Variants in NEMP2 observed in about 807,000 individuals in gnomAD.
NEMP2 encodes the protein nuclear envelope integral membrane protein 2, also known as UPF0571 transmembrane protein.
NEMP2 carries 53 observed loss-of-function variants against 54.2 expected under a neutral mutation model. The ratio of observed to expected loss-of-function variants is 0.98; its 90% CI spans 0.78 to 1.23. The LOEUF is 1.23. NEMP2 is among the 50% of genes most tolerant of loss of function. The pLI is 0.00. For synonymous variants in NEMP2, 197 were observed against 190.3 expected, an observed-to-expected ratio of 1.04 and a Z score of -0.29; for missense variants, 455 against 511.3, an observed-to-expected ratio of 0.89 and a Z score of 1.06.
the NEMP2 span, among the ~76,000 whole-genome samples, chr2:190,576,456 G>C: frequency 6.6e-6 from 1 of 152,158 alleles, no homozygotes; most frequent in South Asian, 2.1e-4. Context: ...AATGTAACTT[G>C]TTAAATGAAA....
chr2:190,461,861 G>C, the NEMP2 span, among the ~76,000 whole-genome samples: 1 of 151,724 alleles, frequency 6.6e-6, no homozygotes, highest in Non-Finnish European at 1.5e-5. This position sits in a 1 kb window ranked among gnomAD's most constrained non-coding sequence, Gnocchi z 5.5. Flanking sequence ...TTTTTAGTGT[G>C]GAACATGAAC....
At chr2:190,566,343 G>C in the NEMP2 span, among the ~76,000 whole-genome samples, 1 of 152,152 alleles carries the variant, frequency 6.6e-6, no homozygotes, top group East Asian at 1.9e-4. Flanking sequence ...GGTTTACTGG[G>C]CACAGTGGAT....
At chr2:190,446,717 G>T in the NEMP2 span, among the ~76,000 whole-genome samples, 4 of 152,218 alleles carry the variant, frequency 2.6e-5, no homozygotes, top group African/African-American at 9.6e-5. Flanking sequence ...ATTTATGGAT[G>T]TTCGTTCTGG....
At chr2:190,489,628 G>A in the NEMP2 span, 2 of 701,396 alleles carry the variant, frequency 2.9e-6, no homozygotes, top group Non-Finnish European at 4.7e-6. The surrounding 1 kb of genome is among the most constrained non-coding windows in gnomAD (Gnocchi z 6.6). Flanking sequence ...CCATTATGTG[G>A]AGCTAATACC....
chr2:190,518,716 A>T lies in NEMP2; in HGVS notation c.518+20T>A, dbSNP rs1303122451. 2.7e-6 allele frequency: 4 copies of T among 1,499,968 alleles called. No individual in the cohort carries two copies. The African/African-American group carries it at 5.7e-5, about 21-fold the overall frequency. 92.9% of individuals were successfully genotyped at this position (1,499,968 alleles called of 1,614,324 possible). A position where few individuals can be genotyped will look rare whatever the true frequency, so the allele number is the denominator to read the frequency against. ...TCCCTTTTCATTCACAAAGTTAAAA[A>T]TATAAAAAGGAATACTTACTGACTC... On this transcript the variant is annotated intron_variant, in intron 4 of 8. Transcript: ENST00000409150.
At chr2:190,456,904 G>A in the NEMP2 span, among the ~76,000 whole-genome samples, 6 of 152,282 alleles carry the variant, frequency 3.9e-5, no homozygotes, top group Non-Finnish European at 7.4e-5. The surrounding 1 kb of genome is among the most constrained non-coding windows in gnomAD (Gnocchi z 5.4). Flanking sequence ...GACAACTGTT[G>A]AGTGGCATTT....
chr2:190,472,260 G>C, the NEMP2 span, among the ~76,000 whole-genome samples: 1 of 151,978 alleles, frequency 6.6e-6, no homozygotes, highest in African/African-American at 2.4e-5. Flanking sequence ...GATGAGTTGA[G>C]AGAAGGCTTC....
chr2:190,477,766 G>A, the NEMP2 span, among the ~76,000 whole-genome samples: 1 of 152,190 alleles, frequency 6.6e-6, no homozygotes, highest in Non-Finnish European at 1.5e-5. Flanking sequence ...TGGAATCATA[G>A]AAAAATGTGC....
At chr2:190,605,915 C>A in the NEMP2 span, among the ~76,000 whole-genome samples, 1 of 152,184 alleles carries the variant, frequency 6.6e-6, no homozygotes, top group Admixed American at 6.5e-5. Flanking sequence ...CTTGGCCCCA[C>A]TAAAGTGAGA....
chr2:190,636,348 G>A, the NEMP2 span, among the ~76,000 whole-genome samples: 2 of 152,190 alleles, frequency 1.3e-5, no homozygotes, highest in Admixed American at 1.3e-4. Context: ...GCCAAGTAAG[G>A]TTTCCTCTTT....
the NEMP2 span, among the ~76,000 whole-genome samples, chr2:190,564,705 T>C: frequency 2.2e-4 from 33 of 152,316 alleles, no homozygotes; most frequent in East Asian, 5.8e-3. The surrounding 1 kb of genome is among the most constrained non-coding windows in gnomAD (Gnocchi z 4.2). Flanking sequence ...TAAGGACCTC[T>C]TGGCTCATTC....
chr2:190,510,726 AAAAAATTAGC>A lies in NEMP2; in HGVS notation c.954-199_954-190del, dbSNP rs1303825648. ...GAAACACTGTCTCTACTAAAAATAT[AAAAAATTAGC>A]TGAGCATGGTGGTGGTCGCCTGTAG... On this transcript the variant is annotated intron_variant, in intron 7 of 8. Transcript: ENST00000409150. The surrounding 1 kb of genome is among the most constrained non-coding windows in gnomAD (Gnocchi z 5.7). Among the ~76,000 whole-genome samples, 1 of 152,050 alleles carries A rather than the reference AAAAAATTAGC, an allele frequency of 6.6e-6. No homozygotes were observed.
At chr2:190,432,441 G>A in the NEMP2 span, among the ~76,000 whole-genome samples, 1 of 152,164 alleles carries the variant, frequency 6.6e-6, no homozygotes, top group Admixed American at 6.5e-5. Context: ...TTGAGACAGA[G>A]TCTTGCTCCG....
chr2:190,580,999 CA>C, the NEMP2 span, among the ~76,000 whole-genome samples: 1 of 152,182 alleles, frequency 6.6e-6, no homozygotes, highest in South Asian at 2.1e-4. This position sits in a 1 kb window ranked among gnomAD's most constrained non-coding sequence, Gnocchi z 5.3. Context: ...CTTCTCAGAA[CA>C]GATAGTAACT....
chr2:190,493,677 C>T, the NEMP2 span, among the ~76,000 whole-genome samples: 1 of 152,164 alleles, frequency 6.6e-6, no homozygotes, highest in African/African-American at 2.4e-5. Context: ...AGTACTCTCT[C>T]AGACCACAGT....
the NEMP2 span, chr2:190,611,125 A>T: frequency 6.6e-6 from 1 of 152,214 alleles, no homozygotes; most frequent in Non-Finnish European, 1.5e-5. The surrounding 1 kb of genome is among the most constrained non-coding windows in gnomAD (Gnocchi z 5.4). Flanking sequence ...TAAACACACA[A>T]TTGACAAGGA....
rs1691108907 is a variant in NEMP2, at chr2:190,530,583, TTAGA to T, written c.97+3972_97+3975del. The stretch of plus-strand genomic sequence containing the variant: ...TCTAGAGAGAACAGATCTTCCAATC[TTAGA>T]TTGATTATAAAGGCTGTATCTTTCT... On this transcript the variant is annotated intron_variant, in intron 1 of 8. Transcript: ENST00000409150. The surrounding 1 kb of genome is among the most constrained non-coding windows in gnomAD (Gnocchi z 4.6). Among the ~76,000 whole-genome samples, 2 of 152,222 alleles carry T rather than the reference TTAGA, an allele frequency of 1.3e-5. No homozygotes were observed. Among genetic ancestry groups the T allele is most frequent in the Admixed American group, 1.3e-4 (2 of 15,290 alleles).
chr2:190,584,935 G>GAAAGAAAGAAAGAAAGAAAGAAAGAAAA, the NEMP2 span, among the ~76,000 whole-genome samples: 2 of 148,536 alleles, frequency 1.3e-5, no homozygotes, highest in African/African-American at 5.0e-5. The surrounding 1 kb of genome is among the most constrained non-coding windows in gnomAD (Gnocchi z 4.2). Flanking sequence ...AAGAAAGAAA[G>GAAAGAAAGAAAGAAAGAAAGAAAGAAAA]AAAGAAAGAA....
chr2:190,553,427 T>C, the NEMP2 span: 1 of 152,212 alleles, frequency 6.6e-6, no homozygotes, highest in Non-Finnish European at 1.5e-5. Context: ...CTATCAGTCA[T>C]ATACTCCCAG....
Sources: gnomAD v4.1 joint callset for allele counts (sites outside exome capture counted in the v4.1 genomes callset) on GRCh38, gnomAD v4.1.1 for gene constraint, Gnocchi (gnomAD v3.1) non-coding constraint, MANE v1.5 for transcripts, NCBI Gene and HGNC (gene_info 2026-07-23, HGNC 2026-07-21) for gene names.